The following SEMA5A variants were observed in gnomAD, a reference collection of about 807,000 sequenced individuals.
SEMA5A encodes the protein semaphorin 5A.
In SEMA5A, 55 loss-of-function variants were observed where a neutral mutation model predicts 135.5. The observed-to-expected ratio is 0.41, with a 90% CI of 0.33 to 0.51. SEMA5A has a LOEUF of 0.51. Among genes scored for constraint, SEMA5A ranks in the 20% least tolerant of loss-of-function variants. The pLI, the probability that SEMA5A is intolerant of heterozygous loss-of-function variation, is 0.37. For synonymous variants in SEMA5A, 580 were observed against 546.5 expected (o/e 1.06, Z -0.85); for missense variants, 1,290 against 1,419.9 (o/e 0.91, Z 1.47).
At chr5:9,439,769 A>C (rs904287476) in intron 1 of SEMA5A, among the ~76,000 whole-genome samples, 11 of 152,342 alleles carry the variant, frequency 7.2e-5, no homozygotes, top group Non-Finnish European at 1.2e-4. Flanking sequence ...ACCGCCAGAC[A>C]GTCCTGGTGC....
intron 11 of SEMA5A, among the ~76,000 whole-genome samples, chr5:9,159,966 A>C (rs1431168333): frequency 6.6e-6 from 1 of 152,132 alleles, no homozygotes; most frequent in East Asian, 1.9e-4. Flanking sequence ...AAAACCAAAC[A>C]CCGCATGTTC....
At chr5:9,398,705 T>C (rs1237572556) in intron 2 of SEMA5A, among the ~76,000 whole-genome samples, 2 of 152,246 alleles carry the variant, frequency 1.3e-5, no homozygotes, top group East Asian at 3.9e-4. Flanking sequence ...TTCAATTTTC[T>C]GTGTCTAATG....
intron 4 of SEMA5A, among the ~76,000 whole-genome samples, chr5:9,322,725 G>A (rs1752684490): frequency 6.6e-6 from 1 of 152,062 alleles, no homozygotes; most frequent in South Asian, 2.1e-4. Flanking sequence ...AAAGTCCTGG[G>A]ATTAGAAACA....
At chr5:9,081,057 T>C (rs1738353929) in intron 16 of SEMA5A, among the ~76,000 whole-genome samples, 1 of 152,144 alleles carries the variant, frequency 6.6e-6, no homozygotes, top group East Asian at 1.9e-4. Flanking sequence ...GAAGTTGCCT[T>C]GTGGTGAGTG....
At chr5:9,116,214 A>G (rs1295328049) in intron 15 of SEMA5A, among the ~76,000 whole-genome samples, 1 of 152,158 alleles carries the variant, frequency 6.6e-6, no homozygotes, top group Non-Finnish European at 1.5e-5. Flanking sequence ...TTCCTGACCC[A>G]CTGGGACTAT....
intron 12 of SEMA5A, among the ~76,000 whole-genome samples, chr5:9,145,054 T>A (rs1742260007): frequency 6.6e-6 from 1 of 152,184 alleles, no homozygotes; most frequent in Non-Finnish European, 1.5e-5. Flanking sequence ...CTTTCTTGTT[T>A]GTTCATTCAC....
chr5:9,387,759 C>T (rs1054367305), intron 2 of SEMA5A, among the ~76,000 whole-genome samples: 2 of 152,154 alleles, frequency 1.3e-5, no homozygotes, highest in Non-Finnish European at 2.9e-5. Flanking sequence ...TAAACAGATT[C>T]TTCTAATCTT....
chr5:9,327,054 T>C (rs1561150163), intron 4 of SEMA5A, among the ~76,000 whole-genome samples: 1 of 152,216 alleles, frequency 6.6e-6, no homozygotes, highest in Non-Finnish European at 1.5e-5. Flanking sequence ...CTAAAAAATG[T>C]CTGCTTCATG....
At chr5:9,231,963 C>T (rs1183673013) in intron 6 of SEMA5A, among the ~76,000 whole-genome samples, 1 of 152,108 alleles carries the variant, frequency 6.6e-6, no homozygotes, top group Non-Finnish European at 1.5e-5. Context: ...ATTAAAATGA[C>T]CCATGTGGGC....
In SEMA5A at chr5:9,042,925, G is replaced by C; in HGVS notation, c.3197C>G (p.Thr1066Arg). ...TGKTYSNAYF[T>R]DLNNYDEY The stretch of plus-strand genomic sequence containing the variant: ...GTACTCATCATAATTATTGAGATCT[G>C]TAAAGTAGGCATTAGAATAGGTCTT... The change falls in exon 23 of 23, where the codon ACA becomes AGA. Residue 1066 changes from threonine to arginine, a missense_variant. Coordinates refer to ENST00000382496, the MANE Select transcript of SEMA5A (RefSeq NM_003966.3). 6.2e-7 allele frequency: 1 copy of C among 1,613,896 alleles called. No homozygotes were observed. The highest frequency in any genetic ancestry group is 8.5e-7 in the Non-Finnish European group (1 of 1,179,868).
At chr5:9,455,223 C>A (rs1334757071) in intron 1 of SEMA5A, among the ~76,000 whole-genome samples, 1 of 151,686 alleles carries the variant, frequency 6.6e-6, no homozygotes, top group Non-Finnish European at 1.5e-5. Context: ...TAGCATATTG[C>A]AGTTTAATTT....
chr5:9,106,280 T>C (rs561842572), intron 16 of SEMA5A, among the ~76,000 whole-genome samples: 16 of 152,376 alleles, frequency 1.1e-4, no homozygotes, highest in African/African-American at 3.8e-4. Flanking sequence ...TCATAAACTG[T>C]AATTCTATAA....
intron 1 of SEMA5A, among the ~76,000 whole-genome samples, chr5:9,490,365 A>G (rs1333559190): frequency 6.6e-6 from 1 of 152,114 alleles, no homozygotes. Context: ...GGAGACTGTA[A>G]ATCAGATGTT....
chr5:9,102,443 C>A (rs113752751), intron 16 of SEMA5A, among the ~76,000 whole-genome samples: 19 of 152,182 alleles, frequency 1.2e-4, no homozygotes, highest in African/African-American at 4.3e-4. Flanking sequence ...CTGATACCAG[C>A]CAAATAGGAA....
chr5:9,270,566 A>T (rs1749918560), intron 5 of SEMA5A, among the ~76,000 whole-genome samples: 1 of 152,074 alleles, frequency 6.6e-6, no homozygotes, highest in Non-Finnish European at 1.5e-5. Flanking sequence ...GAGCGGGGGA[A>T]AGTCGAGTCT....
intron 1 of SEMA5A, among the ~76,000 whole-genome samples, chr5:9,542,017 A>C (rs1738119724): frequency 6.6e-6 from 1 of 152,218 alleles, no homozygotes; most frequent in Non-Finnish European, 1.5e-5. Flanking sequence ...GAGCAGGTTC[A>C]TTTATATTGA....
At chr5:9,109,658 A>AT (rs1740137086) in intron 15 of SEMA5A, among the ~76,000 whole-genome samples, 1 of 152,184 alleles carries the variant, frequency 6.6e-6, no homozygotes, top group Admixed American at 6.5e-5. Context: ...AGTCACCTTT[A>AT]TTGTCATCAA....
intron 1 of SEMA5A, among the ~76,000 whole-genome samples, chr5:9,525,878 T>A (rs1414402357): frequency 1.3e-5 from 2 of 152,232 alleles, no homozygotes; most frequent in Non-Finnish European, 2.9e-5. Context: ...TTCTGATAGA[T>A]GTGAAATAAT....
chr5:9,489,743 G>A (rs969251920), intron 1 of SEMA5A, among the ~76,000 whole-genome samples: 4 of 152,094 alleles, frequency 2.6e-5, no homozygotes, highest in African/African-American at 9.7e-5. Flanking sequence ...AATTGTCAGT[G>A]GATAGATTAT....
Sources: gnomAD v4.1 joint callset for allele counts (sites outside exome capture counted in the v4.1 genomes callset) on GRCh38, gnomAD v4.1.1 for gene constraint, MANE v1.5 for transcripts, NCBI Gene and HGNC (gene_info 2026-07-23, HGNC 2026-07-21) for gene names.